The following SLC8A3 variants were observed in gnomAD, a reference collection of about 807,000 sequenced individuals.
The protein encoded by SLC8A3 is solute carrier family 8 member A3.
A neutral mutation model predicts 65.4 loss-of-function variants in SLC8A3; 37 were observed. The observed-to-expected ratio is 0.57, with a 90% CI of 0.44 to 0.74. SLC8A3 has a LOEUF of 0.74. SLC8A3 is among the 30% of genes least tolerant of loss of function. The pLI, the probability that SLC8A3 is intolerant of heterozygous loss-of-function variation, is 0.00. For missense variants in SLC8A3, 1,112 were observed against 1,172.1 expected (o/e 0.95, Z 0.75); for synonymous variants, 461 against 444.5 (o/e 1.04, Z -0.47).
intron 2 of SLC8A3, among the ~76,000 whole-genome samples, chr14:70,160,164 G>A (rs1016393798): frequency 5.9e-5 from 9 of 152,188 alleles, no homozygotes; most frequent in East Asian, 3.8e-4. Flanking sequence ...TATATGGGGG[G>A]CTGGACGTGG....
At chr14:70,073,837 A>G (rs1170948804) in intron 2 of SLC8A3, among the ~76,000 whole-genome samples, 1 of 152,222 alleles carries the variant, frequency 6.6e-6, no homozygotes, top group Non-Finnish European at 1.5e-5. Flanking sequence ...GACTTGGGTC[A>G]AATGCAGTCA....
intron 2 of SLC8A3, among the ~76,000 whole-genome samples, chr14:70,094,933 T>A (rs1892055065): frequency 6.6e-6 from 1 of 152,228 alleles, no homozygotes; most frequent in Non-Finnish European, 1.5e-5. Context: ...GCAGCAGTAT[T>A]GCAAAGTGGC....
At chr14:70,049,979 A>C (rs1034237795) in intron 5 of SLC8A3, among the ~76,000 whole-genome samples, 1 of 152,238 alleles carries the variant, frequency 6.6e-6, no homozygotes, top group Non-Finnish European at 1.5e-5. Context: ...TGCCTTGCCA[A>C]CGGCAACTTC....
intron 2 of SLC8A3, among the ~76,000 whole-genome samples, chr14:70,126,547 T>TTCTCTCTCTCTCTCTCTCTC (rs36183214): frequency 8.5e-6 from 1 of 118,118 alleles, no homozygotes; most frequent in Non-Finnish European, 1.8e-5. Flanking sequence ...AGAAAGAAAA[T>TTCTCTCTCTCTCTCTCTCTC]TCTCTCTCTC....
intron 2 of SLC8A3, among the ~76,000 whole-genome samples, chr14:70,078,256 CT>C: frequency 6.6e-6 from 1 of 152,300 alleles, no homozygotes; most frequent in Middle Eastern, 3.4e-3. Flanking sequence ...CCTGGAGGGC[CT>C]TTAATCAAGG....
At chr14:70,172,708 G>T (rs920618395) in intron 1 of SLC8A3, among the ~76,000 whole-genome samples, 2 of 151,822 alleles carry the variant, frequency 1.3e-5, no homozygotes, top group Non-Finnish European at 1.5e-5. Context: ...GAGACACCGC[G>T]TTTGCCCTCA....
At chr14:70,061,025 C>G in intron 2 of SLC8A3, 86 bp from the exon 3 acceptor site, 1 of 657,228 alleles carries the variant, frequency 1.5e-6, no homozygotes, top group South Asian at 2.0e-5. Context: ...AATCATTCCC[C>G]GTCATTCCTG....
chr14:70,165,993 A>C (rs1486483109), intron 2 of SLC8A3, among the ~76,000 whole-genome samples: 1 of 152,218 alleles, frequency 6.6e-6, no homozygotes, highest in Non-Finnish European at 1.5e-5. Context: ...TATCCAAACC[A>C]TACTGACTCA....
In SLC8A3 at chr14:70,046,174, C is replaced by T. The variant is rs1886764356; in HGVS notation, c.2539G>A (p.Glu847Lys). 6.2e-7 allele frequency: 1 copy of T among 1,614,186 alleles called. No individual in the cohort carries two copies. The stretch of plus-strand genomic sequence containing the variant: ...AGTGTGCCGGCCGACACGTGGAACT[C>T]CTGTCCCTGCAGAGCCCAGTAGATG... ...AAIYWALQGQ[E>K]FHVSAGTLAF... Residue 847 changes from glutamate (E) to lysine (K), a missense_variant, in exon 7 of 7, where the codon GAG (glutamate) becomes AAG (lysine). Physicochemically the swap from Glu to Lys is moderately conservative, Grantham distance 56 (BLOSUM62 1). Transcript: ENST00000356921. This position sits in a 1 kb window ranked among gnomAD's most constrained non-coding sequence, Gnocchi z 4.2.
intron 1 of SLC8A3, among the ~76,000 whole-genome samples, chr14:70,179,478 C>G (rs1472843296): frequency 4.6e-5 from 7 of 152,232 alleles, no homozygotes; most frequent in Admixed American, 4.6e-4. Context: ...CAGGAGTTTT[C>G]ATTAAGTGAT....
At chr14:70,111,603 T>C (rs897618393) in intron 2 of SLC8A3, among the ~76,000 whole-genome samples, 1 of 152,166 alleles carries the variant, frequency 6.6e-6, no homozygotes, top group Non-Finnish European at 1.5e-5. Flanking sequence ...ATAATAAAAA[T>C]ACAAAGAAGA....
At chr14:70,107,568 G>C (rs72625686) in intron 2 of SLC8A3, among the ~76,000 whole-genome samples, 3,296 of 152,166 alleles carry the variant, frequency 0.022, 144 homozygotes, top group South Asian at 0.18. Flanking sequence ...TGCTACAGTA[G>C]ATTAATTCAT....
intron 2 of SLC8A3, among the ~76,000 whole-genome samples, chr14:70,074,201 C>T (rs1272929261): frequency 6.6e-6 from 1 of 152,216 alleles, no homozygotes; most frequent in East Asian, 1.9e-4. Context: ...ATGTTAGCTA[C>T]TGTCCCCATT....
At position 70,095,322 on chromosome 14, in the gene SLC8A3, G is replaced by C. The variant is rs116380969; in HGVS notation, c.1785-34383C>G. ...AGCCAGTGCTCTGAGTGGGCTCTGG[G>C]ACAAAGTAGAGAAACCACATTTCCT... On this transcript the variant is annotated intron_variant, in intron 2 of 6. Coordinates refer to ENST00000356921, the MANE Select transcript of SLC8A3 (RefSeq NM_182932.3). 5.7e-3 allele frequency among the ~76,000 whole-genome samples: 867 copies of C among 152,286 alleles called. 8 individuals are homozygous for C. Among genetic ancestry groups the C allele is most frequent in the African/African-American group, 0.02 (813 of 41,536 alleles).
At chr14:70,061,672 C>T (rs1290740335) in intron 2 of SLC8A3, among the ~76,000 whole-genome samples, 2 of 151,968 alleles carry the variant, frequency 1.3e-5, no homozygotes, top group Non-Finnish European at 1.5e-5. Flanking sequence ...ATGTATTAAC[C>T]ACAATATTAC....
At chr14:70,174,350 T>A (rs1471320188) in intron 1 of SLC8A3, among the ~76,000 whole-genome samples, 2 of 152,156 alleles carry the variant, frequency 1.3e-5, no homozygotes, top group Non-Finnish European at 2.9e-5. Context: ...CCTTGGGAAG[T>A]CAGTGACCCT....
chr14:70,146,571 T>C (rs1243303076), intron 2 of SLC8A3, among the ~76,000 whole-genome samples: 1 of 152,152 alleles, frequency 6.6e-6, no homozygotes, highest in Non-Finnish European at 1.5e-5. Flanking sequence ...AGGAAAAAAA[T>C]AACCCTGCCT....
At chr14:70,130,625 A>G (rs564612444) in intron 2 of SLC8A3, among the ~76,000 whole-genome samples, 1 of 152,346 alleles carries the variant, frequency 6.6e-6, no homozygotes, top group East Asian at 1.9e-4. Flanking sequence ...GTCTGAGGAG[A>G]GCCATGAACA....
At position 70,052,082 on chromosome 14, in the gene SLC8A3, C is replaced by T; in HGVS notation, c.1921G>A (p.Glu641Lys). ...VTDRKLTMEEEEAKRIAEMGK... is the reference protein window; with the variant it reads ...VTDRKLTMEEKEAKRIAEMGK... ...ATCTCTGCTATCCTCTTGGCCTCCT[C>T]TTCTTCCATAGTCAGCTTCCTGTCT... Residue 641 changes from glutamate (E) to lysine (K), a missense_variant, in exon 4 of 7, where the codon GAG becomes AAG. Transcript: ENST00000356921. The T allele has an allele frequency of 6.2e-7, 1 of 1,606,692 alleles. No homozygotes were observed. The highest frequency in any genetic ancestry group is 8.5e-7 in the Non-Finnish European group (1 of 1,178,112).
Sources: gnomAD v4.1 joint callset for allele counts (sites outside exome capture counted in the v4.1 genomes callset) on GRCh38, gnomAD v4.1.1 for gene constraint, Gnocchi (gnomAD v3.1) non-coding constraint, MANE v1.5 for transcripts, NCBI Gene and HGNC (gene_info 2026-07-23, HGNC 2026-07-21) for gene names.